Variants in NAALADL2 observed in about 807,000 individuals in gnomAD.
The protein encoded by NAALADL2 is N-acetylated alpha-linked acidic dipeptidase like 2, also known as inactive N-acetylated-alpha-linked acidic dipeptidase-like protein 2.
A neutral mutation model predicts 87.2 loss-of-function variants in NAALADL2; 76 were observed. The ratio of observed to expected loss-of-function variants is 0.87; its 90% CI spans 0.72 to 1.05. NAALADL2 has a LOEUF of 1.05. NAALADL2 is among the 50% of genes least tolerant of loss of function. NAALADL2 has a pLI of 0.00. For synonymous variants in NAALADL2, 354 were observed against 331.0 expected (o/e 1.07, Z -0.75); for missense variants, 1,089 against 945.8 (o/e 1.15, Z -1.99).
At chr3:175,371,162 T>TA (rs1259144173) in intron 5 of NAALADL2, among the ~76,000 whole-genome samples, 4 of 152,150 alleles carry the variant, frequency 2.6e-5, no homozygotes, top group Non-Finnish European at 5.9e-5. Flanking sequence ...ACTTTTTTTT[T>TA]ATATTTAGCT....
intron 2 of NAALADL2, among the ~76,000 whole-genome samples, chr3:174,673,376 A>G (rs916492378): frequency 1.3e-5 from 2 of 152,108 alleles, no homozygotes; most frequent in Non-Finnish European, 2.9e-5. Flanking sequence ...GGGCAGCATC[A>G]TACATGGAAA....
intron 11 of NAALADL2, among the ~76,000 whole-genome samples, chr3:175,643,597 A>C (rs753448754): frequency 4.6e-5 from 7 of 152,198 alleles, no homozygotes; most frequent in Non-Finnish European, 8.8e-5. Context: ...ACTGAGCTGA[A>C]GTTTTAAGAT....
At chr3:174,657,277 A>G (rs1307307704) in intron 2 of NAALADL2, among the ~76,000 whole-genome samples, 1 of 151,750 alleles carries the variant, frequency 6.6e-6, no homozygotes, top group African/African-American at 2.4e-5. Context: ...CCTCCTGAGT[A>G]GGTAGGATTA....
At chr3:175,372,655 A>G (rs1766653112) in intron 5 of NAALADL2, among the ~76,000 whole-genome samples, 1 of 152,240 alleles carries the variant, frequency 6.6e-6, no homozygotes, top group South Asian at 2.1e-4. Flanking sequence ...CATTGGCCTT[A>G]ACTAAAATGG....
At chr3:174,984,438 C>G (rs1027694599) in intron 1 of NAALADL2, among the ~76,000 whole-genome samples, 4 of 151,604 alleles carry the variant, frequency 2.6e-5, no homozygotes, top group South Asian at 2.1e-4. Flanking sequence ...TTCAACACTA[C>G]GCAGTAGAGT....
chr3:175,167,457 C>T (rs967894294), intron 2 of NAALADL2, among the ~76,000 whole-genome samples: 1 of 152,016 alleles, frequency 6.6e-6, no homozygotes, highest in Non-Finnish European at 1.5e-5. Flanking sequence ...TATCTGAGGT[C>T]CCATCATCTT....
intron 9 of NAALADL2, among the ~76,000 whole-genome samples, chr3:175,558,190 G>A (rs1161920663): frequency 2.1e-4 from 11 of 52,992 alleles, no homozygotes; most frequent in South Asian, 1.0e-3. Flanking sequence ...GCAAGACCCC[G>A]TCTCAAAAAA....
chr3:175,165,466 A>G (rs1246199499), intron 2 of NAALADL2, among the ~76,000 whole-genome samples: 2 of 152,184 alleles, frequency 1.3e-5, no homozygotes, highest in Non-Finnish European at 2.9e-5. Flanking sequence ...CTAAAATTTA[A>G]GGCTCAAAAA....
chr3:174,919,538 C>T (rs887022844), intron 1 of NAALADL2, among the ~76,000 whole-genome samples: 2 of 151,970 alleles, frequency 1.3e-5, no homozygotes, highest in Non-Finnish European at 2.9e-5. Flanking sequence ...CTCTTCAGTC[C>T]CCATTTCTAA....
chr3:174,698,974 T>TATAC (rs58271503), intron 2 of NAALADL2, among the ~76,000 whole-genome samples: 16,158 of 145,616 alleles, frequency 0.11, 1,409 homozygotes, highest in African/African-American at 0.25. Flanking sequence ...CGTGTATATA[T>TATAC]ATATACATTT....
intron 1 of NAALADL2, among the ~76,000 whole-genome samples, chr3:174,882,624 T>G (rs1236409178): frequency 1.1e-5 from 1 of 89,740 alleles, no homozygotes; most frequent in South Asian, 3.8e-4. Context: ...CATATGCATA[T>G]ATGTGCATAT....
chr3:175,214,304 C>A (rs1298999548), intron 2 of NAALADL2, among the ~76,000 whole-genome samples: 3 of 152,134 alleles, frequency 2.0e-5, no homozygotes, highest in Admixed American at 1.3e-4. Flanking sequence ...TTACCTTTTA[C>A]AACAAAGCTG....
intron 1 of NAALADL2, among the ~76,000 whole-genome samples, chr3:174,474,799 T>C (rs1389848041): frequency 2.0e-5 from 3 of 152,166 alleles, no homozygotes; most frequent in Admixed American, 1.3e-4. Flanking sequence ...GCAGTATATT[T>C]AAATCTCAGA....
rs114136693 is a variant in NAALADL2 at position 174,547,715 on chromosome 3, A to T, written c.-183-2854A>T. Among the ~76,000 whole-genome samples, 165 of 152,118 alleles carry T rather than the reference A, an allele frequency of 1.1e-3. 1 individual carries two copies. The highest frequency in any genetic ancestry group is 3.8e-3 in the African/African-American group (156 of 41,520). The stretch of plus-strand genomic sequence containing the variant: ...CTATATATATTTTTATCTTTGTTTT[A>T]TCCTCCTAGAGCAATAGTTCTGAGT... On this transcript the variant is annotated intron_variant, in intron 1 of 3. Coordinates refer to the NAALADL2 transcript ENST00000434257.
chr3:175,381,385 T>A (rs965435738), intron 5 of NAALADL2, among the ~76,000 whole-genome samples: 1 of 151,756 alleles, frequency 6.6e-6, no homozygotes, highest in Admixed American at 6.5e-5. Flanking sequence ...AATTTTGCAT[T>A]TTTTATTGTC....
At chr3:174,988,292 C>T (rs1477243010) in intron 1 of NAALADL2, among the ~76,000 whole-genome samples, 2 of 152,084 alleles carry the variant, frequency 1.3e-5, no homozygotes, top group Non-Finnish European at 2.9e-5. Flanking sequence ...TACCCAGGTA[C>T]CTGTACTTCA....
At chr3:175,147,640 T>C (rs1392980478) in intron 2 of NAALADL2, among the ~76,000 whole-genome samples, 1 of 152,238 alleles carries the variant, frequency 6.6e-6, no homozygotes, top group Non-Finnish European at 1.5e-5. Flanking sequence ...ATGATAGTTC[T>C]GTTTTATGTT....
At chr3:174,727,439 A>G (rs1732308576) in intron 2 of NAALADL2, among the ~76,000 whole-genome samples, 1 of 152,072 alleles carries the variant, frequency 6.6e-6, no homozygotes, top group Non-Finnish European at 1.5e-5. Context: ...GGGTACTACC[A>G]TATTCTTTAA....
At chr3:174,510,052 A>C (rs1719499192) in intron 1 of NAALADL2, among the ~76,000 whole-genome samples, 1 of 151,834 alleles carries the variant, frequency 6.6e-6, no homozygotes, top group African/African-American at 2.4e-5. Flanking sequence ...TACATAATAT[A>C]TTTTTTGAAT....
Sources: gnomAD v4.1 joint callset for allele counts (sites outside exome capture counted in the v4.1 genomes callset) on GRCh38, gnomAD v4.1.1 for gene constraint, MANE v1.5 for transcripts, NCBI Gene and HGNC (gene_info 2026-07-23, HGNC 2026-07-21) for gene names.